KMT2B: variants seen among roughly 807,000 people sequenced by gnomAD.
The protein encoded by KMT2B is lysine methyltransferase 2B, also known as histone-lysine N-methyltransferase 2B.
A neutral mutation model predicts 255.3 loss-of-function variants in KMT2B; 22 were observed. The observed-to-expected ratio is 0.09, with a 90% confidence interval of 0.06 to 0.12. KMT2B has a LOEUF of 0.12. Ranked by LOEUF, KMT2B falls within the 10% of genes least tolerant of loss-of-function variation. The pLI is 1.00. For missense variants in KMT2B, 3,149 were observed against 3,737.0 expected (o/e 0.84, Z 4.10); for synonymous variants, 1,730 against 1,498.1 (o/e 1.15, Z -3.57).
chr19:35,718,036 C>A lies in KMT2B; in HGVS notation c.18C>A (p.Gly6=), dbSNP rs1325279741. 1 of 985,230 alleles carries A rather than the reference C, an allele frequency of 1.0e-6. No homozygotes were observed. The highest frequency in any genetic ancestry group is 1.2e-6 in the Non-Finnish European group (1 of 830,938). 61.0% of individuals were successfully genotyped at this position (985,230 alleles called of 1,614,324 possible). A position where few individuals can be genotyped will look rare whatever the true frequency, so the allele number is the denominator to read the frequency against. Residue 6 remains glycine, a synonymous_variant, in exon 1 of 37, where the codon GGC becomes GGA. Transcript: ENST00000420124. This position sits in a 1 kb window ranked among gnomAD's most constrained non-coding sequence, Gnocchi z 5.0. MAAAA[G]GGSCPGPGSA... ...GTGCCAAGATGGCGGCGGCGGCGGG[C>A]GGCGGCAGTTGCCCCGGGCCTGGCT...
In KMT2B at chr19:35,726,331, G is replaced by C; in HGVS notation, c.3981G>C (p.Arg1327Ser). 1 of 1,613,486 alleles carries C rather than the reference G, an allele frequency of 6.2e-7. No homozygotes were observed. The highest frequency in any genetic ancestry group is 8.5e-7 in the Non-Finnish European group (1 of 1,179,556). Residue 1327 changes from arginine (R) to serine (S), a missense_variant, in exon 14 of 37, where the codon AGG (arginine) becomes AGC (serine). This residue lies in a region of KMT2B where 377 missense variants were observed against 471.0 expected (regional missense o/e 0.80). Coordinates refer to ENST00000420124, the MANE Select transcript of KMT2B (RefSeq NM_014727.3). ...EWSGDYSLCP[R>S]CTQLYEKGNY... The stretch of plus-strand genomic sequence containing the variant: ...CTGGAGATTACAGCCTCTGCCCCAG[G>C]TGCACCCAGCTATATGAGAAAGGTG...
Position 35,720,221 on chromosome 19 carries a change from G to A in KMT2B, c.874G>A (p.Gly292Ser). 1.2e-6 allele frequency: 2 copies of A among 1,610,612 alleles called. No individual in the cohort carries two copies. Among genetic ancestry groups the A allele is most frequent in the South Asian group, 2.2e-5 (2 of 90,586 alleles). Residue 292 changes from glycine to serine, a missense_variant, in exon 3 of 37, where the codon GGC (glycine) becomes AGC (serine). Transcript: ENST00000420124. ...GGQSSRGGRGGRGRGRGGGLP... is the reference protein window; with the variant it reads ...GGQSSRGGRGSRGRGRGGGLP... ...ACAGTCAAGCCGTGGAGGCCGTGGA[G>A]GCAGGGGCCGCGGCCGAGGTGGTGG...
rs774406637 is a variant in KMT2B at position 35,738,359 on chromosome 19, C to T, written c.7950C>T (p.Phe2650=). ...CGATGCATGGCAATGCCGCCCGCTT[C>T]ATCAACCACTCCTGTGAGCCCAACT... ...DATMHGNAAR[F]INHSCEPNCF... Residue 2650 remains phenylalanine, a synonymous_variant, in exon 37 of 37, where the codon TTC becomes TTT. Coordinates refer to ENST00000420124, the MANE Select transcript of KMT2B (RefSeq NM_014727.3). This position sits in a 1 kb window ranked among gnomAD's most constrained non-coding sequence, Gnocchi z 8.7. 12 of 1,614,078 alleles carry T rather than the reference C, an allele frequency of 7.4e-6. No individual in the cohort carries two copies. In the Admixed American group the frequency reaches 1.2e-4, roughly 16 times the overall value.
At position 35,737,698 on chromosome 19, in the gene KMT2B, C is replaced by T. The variant is rs867922002; in HGVS notation, c.7613C>T (p.Ala2538Val). The T allele has an allele frequency of 1.3e-6, 2 of 1,584,188 alleles. No homozygotes were observed. The highest frequency in any genetic ancestry group is 2.3e-5 in the East Asian group (1 of 43,576). Residue 2538 changes from alanine to valine, a missense_variant, in exon 34 of 37, where the codon GCC becomes GTC. Ala to Val is a moderately conservative substitution (Grantham distance 64). Transcript: ENST00000420124. This position sits in a 1 kb window ranked among gnomAD's most constrained non-coding sequence, Gnocchi z 5.3. The stretch of plus-strand genomic sequence containing the variant: ...CAGCACCGGGTGCTCCCTGAGGGGG[C>T]CACCTGTGATGAGGAAGAGGATGAG... Reference protein sequence around the residue: ...ASQHRVLPEGATCDEEEDEVQ... With the variant: ...ASQHRVLPEGVTCDEEEDEVQ...
rs946995092 is a variant in KMT2B at position 35,725,398 on chromosome 19, G to A, written c.3642+65G>A. 6.3e-7 allele frequency: 1 copy of A among 1,577,724 alleles called. No individual in the cohort carries two copies. Among genetic ancestry groups the A allele is most frequent in the East Asian group, 2.2e-5 (1 of 44,510 alleles). The stretch of plus-strand genomic sequence containing the variant: ...GTCGGTCCTCACGGCCTGATTCCTT[G>A]GGCCCTCTCAGCTGGGTCTCATCCC... On this transcript the variant is annotated intron_variant, in intron 11 of 36. Coordinates refer to ENST00000420124, the MANE Select transcript of KMT2B (RefSeq NM_014727.3). This position sits in a 1 kb window ranked among gnomAD's most constrained non-coding sequence, Gnocchi z 4.1.
rs1417091274 is a variant in KMT2B at position 35,721,435 on chromosome 19, G to A, written c.2088G>A (p.Val696=). Residue 696 remains valine (V), a synonymous_variant, in exon 3 of 37, where the codon GTG becomes GTA. Transcript: ENST00000420124. ...DSPAEPEPRA[V]GRTNHLSLPR... The stretch of plus-strand genomic sequence containing the variant: ...CAGCTGAGCCTGAGCCTCGGGCAGT[G>A]GGCCGCACCAACCACCTCAGCCTGC... The A allele has an allele frequency of 1.2e-6, 2 of 1,612,188 alleles. No homozygotes were observed. The highest frequency in any genetic ancestry group is 2.7e-5 in the African/African-American group (2 of 74,834).
Position 35,725,146 on chromosome 19 carries a change from T to A in KMT2B, c.3528+59T>A. The A allele has an allele frequency of 3.9e-6, 6 of 1,548,972 alleles. No individual in the cohort carries two copies. The highest frequency in any genetic ancestry group is 2.2e-5 in the East Asian group (1 of 44,550). On this transcript the variant is annotated intron_variant, in intron 10 of 36. Transcript: ENST00000420124. The surrounding 1 kb of genome is among the most constrained non-coding windows in gnomAD (Gnocchi z 4.1). ...CTGGTTGGAAGAACCTCGATGACTGTGTCATCGAGAAGCCAGGTGGGTCTG... is the reference window on the plus strand; with the variant it reads ...CTGGTTGGAAGAACCTCGATGACTGAGTCATCGAGAAGCCAGGTGGGTCTG...
At position 35,725,141 on chromosome 19, in the gene KMT2B, GACTGTGTCATCGAGAAGCC is replaced by G; in HGVS notation, c.3528+56_3529-59del. The G allele has an allele frequency of 6.3e-7, 1 of 1,580,452 alleles. No individual in the cohort carries two copies. The highest frequency in any genetic ancestry group is 8.7e-7 in the Non-Finnish European group (1 of 1,149,588). ...AGCCTCTGGTTGGAAGAACCTCGAT[GACTGTGTCATCGAGAAGCC>G]AGGTGGGTCTGCCTTGTATGCCTGG... On this transcript the variant is annotated intron_variant, in intron 10 of 36. Coordinates refer to ENST00000420124, the MANE Select transcript of KMT2B (RefSeq NM_014727.3). The surrounding 1 kb of genome is among the most constrained non-coding windows in gnomAD (Gnocchi z 4.1).
At chr19:35,726,630 G>A (rs189914380) in intron 14 of KMT2B, among the ~76,000 whole-genome samples, 1 of 152,260 alleles carries the variant, frequency 6.6e-6, no homozygotes, top group East Asian at 1.9e-4. Flanking sequence ...TGAGCGGTTT[G>A]GAAGCCTTAT....
In KMT2B at chr19:35,727,668, C is replaced by T. The variant is rs1472103465; in HGVS notation, c.4303-30C>T. 3.7e-6 allele frequency: 6 copies of T among 1,613,122 alleles called. No individual in the cohort carries two copies. The highest frequency in any genetic ancestry group is 1.7e-5 in the Admixed American group (1 of 60,016). On this transcript the variant is annotated intron_variant, in intron 16 of 36. Coordinates refer to ENST00000420124, the MANE Select transcript of KMT2B (RefSeq NM_014727.3). This position sits in a 1 kb window ranked among gnomAD's most constrained non-coding sequence, Gnocchi z 4.2. Reference sequence around the variant, plus strand: ...AGGATGGGCCGGGGCTAGGCCCACCCCCAGCCCTGCTAACTTCCCCGCTTT... The same window carrying T: ...AGGATGGGCCGGGGCTAGGCCCACCTCCAGCCCTGCTAACTTCCCCGCTTT...
chr19:35,736,490 C>T, intron 30 of KMT2B, 200 bp from the exon 31 acceptor site: 1 of 623,726 alleles, frequency 1.6e-6, no homozygotes, highest in Non-Finnish European at 2.7e-6. Context: ...AGAAGAGGAG[C>T]CGCAGGCTCC....
chr19:35,727,182 T>A lies in KMT2B; in HGVS notation c.4030T>A (p.Cys1344Ser). ...KGNYCPICTRCYEDNDYESKM... is the reference protein window; with the variant it reads ...KGNYCPICTRSYEDNDYESKM... ...AAACTACTGCCCGATCTGTACACGC[T>A]GCTATGAAGACAACGACTATGAGAG... Residue 1344 changes from cysteine to serine, a missense_variant, in exon 15 of 37, where the codon TGC (cysteine) becomes AGC (serine). Transcript: ENST00000420124. This position sits in a 1 kb window ranked among gnomAD's most constrained non-coding sequence, Gnocchi z 4.2. 2 of 1,613,234 alleles carry A rather than the reference T, an allele frequency of 1.2e-6. No individual in the cohort carries two copies. Among genetic ancestry groups the A allele is most frequent in the Non-Finnish European group, 1.7e-6 (2 of 1,179,672 alleles).
In KMT2B at chr19:35,727,044, C is replaced by G; in HGVS notation, c.4004-112C>G. 1.5e-6 allele frequency: 1 copy of G among 669,940 alleles called. No individual in the cohort carries two copies. The highest frequency in any genetic ancestry group is 2.5e-6 in the Non-Finnish European group (1 of 395,316). 41.5% of individuals were successfully genotyped at this position (669,940 alleles called of 1,614,324 possible). The stretch of plus-strand genomic sequence containing the variant: ...GAGCTTTTAGGGACTAGTAGGGGCC[C>G]AAAACAGGGGCATAGTGGAGGCAGC... On this transcript the variant is annotated intron_variant, in intron 14 of 36. Coordinates refer to ENST00000420124, the MANE Select transcript of KMT2B (RefSeq NM_014727.3). This position sits in a 1 kb window ranked among gnomAD's most constrained non-coding sequence, Gnocchi z 4.2.
chr19:35,728,774 C>T lies in KMT2B; in HGVS notation c.4572C>T (p.Asn1524=), dbSNP rs372049345. ...KYWRRSTRLP[N]GVLPNAVLPP... ...AGCTGCTAACCCTGCCTGTCCACAG[C>T]GGAGTCCTTCCCAATGCGGTGTTGC... The change falls in exon 20 of 37, where the codon AAC becomes AAT. Residue 1524 remains asparagine (N), a splice_region_variant and synonymous_variant. Transcript: ENST00000420124. The T allele has an allele frequency of 3.4e-5, 55 of 1,613,010 alleles. No homozygotes were observed. The highest frequency in any genetic ancestry group is 2.0e-4 in the South Asian group (18 of 91,068).
chr19:35,722,589 G>A lies in KMT2B; in HGVS notation c.2593G>A (p.Gly865Ser). The change falls in exon 5 of 37, where the codon GGT (glycine) becomes AGT (serine). Residue 865 changes from glycine (G) to serine (S), a missense_variant. Gly to Ser is a moderately conservative substitution (Grantham distance 56). Around this residue, in one of 18 missense-constraint regions of KMT2B, gnomAD observed 132 missense variants for 174.7 expected, o/e 0.76. Transcript: ENST00000420124. ...RPSGPESPVQ[G>S]PRIKHVCRHA... ...CCAGGGTCCCGAGTCCCCTGTGCAA[G>A]GTCCCCGCATCAAACATGTCTGCCG... is the stretch of plus-strand genomic sequence containing the variant. 1 of 1,609,654 alleles carries A rather than the reference G, an allele frequency of 6.2e-7. No individual in the cohort carries two copies. Among genetic ancestry groups the A allele is most frequent in the Non-Finnish European group, 8.5e-7 (1 of 1,178,360 alleles).
Position 35,730,650 on chromosome 19 carries a change from A to G in KMT2B, c.5276+34A>G, listed in dbSNP as rs374837953. 7.4e-6 allele frequency: 12 copies of G among 1,613,214 alleles called. No individual in the cohort carries two copies. The African/African-American group carries it at 1.1e-4, about 14-fold the overall frequency. On this transcript the variant is annotated intron_variant, in intron 25 of 36. Transcript: ENST00000420124. ...TCGGGGTGATCCATGGGGCCAGGGG[A>G]CTCCATAGCTGGATCCCATTTCCCA... is the stretch of plus-strand genomic sequence containing the variant.
At position 35,727,171 on chromosome 19, in the gene KMT2B, T is replaced by G; in HGVS notation, c.4019T>G (p.Ile1340Ser). 6.2e-7 allele frequency: 1 copy of G among 1,612,448 alleles called. No homozygotes were observed. Among genetic ancestry groups the G allele is most frequent in the Non-Finnish European group, 8.5e-7 (1 of 1,179,278 alleles). ...CTTTCTCTAGGAAACTACTGCCCGA[T>G]CTGTACACGCTGCTATGAAGACAAC... ...QLYEKGNYCP[I>S]CTRCYEDNDY... The change falls in exon 15 of 37, where the codon ATC becomes AGC. Residue 1340 changes from isoleucine to serine, a missense_variant. Physicochemically the swap from Ile to Ser is moderately radical, Grantham distance 142 (BLOSUM62 -2). Coordinates refer to ENST00000420124, the MANE Select transcript of KMT2B (RefSeq NM_014727.3). This position sits in a 1 kb window ranked among gnomAD's most constrained non-coding sequence, Gnocchi z 4.2.
At chr19:35,729,756 A>T (rs920232010) in intron 22 of KMT2B, among the ~76,000 whole-genome samples, 2 of 152,228 alleles carry the variant, frequency 1.3e-5, no homozygotes, top group Non-Finnish European at 2.9e-5. Flanking sequence ...AATCACACTA[A>T]TGCTATCAGC....
chr19:35,734,785 C>G (rs566306204), intron 30 of KMT2B, among the ~76,000 whole-genome samples: 3 of 152,044 alleles, frequency 2.0e-5, no homozygotes, highest in Non-Finnish European at 2.9e-5. Context: ...AGCTGGTGGT[C>G]GAGCAGCCTG....
Sources: allele counts gnomAD v4.1 joint callset (sites outside exome capture counted in the v4.1 genomes callset), GRCh38; gene constraint gnomAD v4.1.1; regional missense constraint gnomAD v4.1.1; non-coding constraint Gnocchi (gnomAD v3.1); transcripts MANE v1.5; gene names NCBI Gene and HGNC (gene_info 2026-07-23, HGNC 2026-07-21).